The following CPA6 variants were observed in gnomAD, a reference collection of about 807,000 sequenced individuals.
CPA6 encodes the protein carboxypeptidase A6.
Under a neutral mutation model 63.3 loss-of-function variants are expected in CPA6, and 58 were observed. The ratio of observed to expected loss-of-function variants is 0.92; its 90% confidence interval spans 0.74 to 1.14. The LOEUF (loss-of-function observed/expected upper bound fraction) is 1.14. Ranked by LOEUF, CPA6 falls within the 50% of genes most tolerant of loss-of-function variation. The pLI, the probability that CPA6 is intolerant of heterozygous loss-of-function variation, is 0.00. For synonymous variants in CPA6, 185 were observed against 179.0 expected (o/e 1.03, Z -0.27); for missense variants, 565 against 526.6 (o/e 1.07, Z -0.71).
At chr8:67,461,323 A>T (rs1232799902) in intron 8 of CPA6, among the ~76,000 whole-genome samples, 17 of 145,702 alleles carry the variant, frequency 1.2e-4, no homozygotes, top group African/African-American at 4.4e-4. Flanking sequence ...ACCGCCCTTA[A>T]TCCATTTAAC....
At chr8:67,716,766 C>T (rs1162553844) in intron 1 of CPA6, among the ~76,000 whole-genome samples, 1 of 152,194 alleles carries the variant, frequency 6.6e-6, no homozygotes, top group African/African-American at 2.4e-5. Context: ...CTTGACTTTT[C>T]CTTTTGGCTT....
chr8:67,632,109 A>ATT (rs377303586), intron 1 of CPA6, among the ~76,000 whole-genome samples: 61 of 151,560 alleles, frequency 4.0e-4, no homozygotes, highest in African/African-American at 1.4e-3. Context: ...ATAAGGAAGC[A>ATT]TTTTTTTTAA....
rs1019246374 is a variant in CPA6, at chr8:67,681,205, T to C, written c.117-56954A>G. ...CCCAAGGTCACAAAGATTTTCTTTTTTTTTTTTTTTTTTTTGAGACGGAGT... is the reference window on the plus strand; with the variant it reads ...CCCAAGGTCACAAAGATTTTCTTTTCTTTTTTTTTTTTTTTGAGACGGAGT... On this transcript the variant is annotated intron_variant, in intron 1 of 10. Coordinates refer to ENST00000297770, the MANE Select transcript of CPA6 (RefSeq NM_020361.5). Among the ~76,000 whole-genome samples the C allele has an allele frequency of 2.7e-4, 29 of 107,038 alleles. 3 individuals are homozygous for C. Among genetic ancestry groups the C allele is most frequent in the South Asian group, 9.5e-4 (3 of 3,166 alleles). The allele number at this position is 107,038 out of a possible 152,430, so 70.2% of individuals were successfully genotyped here.
At chr8:67,659,807 T>C (rs1374340197) in intron 1 of CPA6, among the ~76,000 whole-genome samples, 1 of 152,206 alleles carries the variant, frequency 6.6e-6, no homozygotes, top group Non-Finnish European at 1.5e-5. Flanking sequence ...TTATCATAAG[T>C]AATAAATAAA....
chr8:67,539,686 T>C (rs1424131469), intron 2 of CPA6, among the ~76,000 whole-genome samples: 1 of 152,212 alleles, frequency 6.6e-6, no homozygotes, highest in Non-Finnish European at 1.5e-5. Context: ...TTGGAGGCTT[T>C]GTTCGTTCTT....
At chr8:67,596,630 C>G (rs1489486908) in intron 2 of CPA6, among the ~76,000 whole-genome samples, 2 of 151,424 alleles carry the variant, frequency 1.3e-5, no homozygotes, top group African/African-American at 4.9e-5. Context: ...AAGGATAGTA[C>G]AATCACAAAA....
intron 1 of CPA6, among the ~76,000 whole-genome samples, chr8:67,737,486 T>C (rs1200193761): frequency 6.6e-6 from 1 of 152,186 alleles, no homozygotes. Context: ...TAAGATGACT[T>C]CTCTGGCCTT....
intron 8 of CPA6, among the ~76,000 whole-genome samples, chr8:67,440,067 A>C (rs1810256165): frequency 6.6e-6 from 1 of 152,188 alleles, no homozygotes; most frequent in Non-Finnish European, 1.5e-5. Flanking sequence ...CATTACTACA[A>C]ACTAAGCCAC....
intron 2 of CPA6, among the ~76,000 whole-genome samples, chr8:67,598,565 G>A (rs912413144): frequency 6.6e-6 from 1 of 152,098 alleles, no homozygotes; most frequent in African/African-American, 2.4e-5. Flanking sequence ...AAAATTTGCT[G>A]ACATATATTT....
At chr8:67,462,521 T>C (rs1225715065) in intron 8 of CPA6, among the ~76,000 whole-genome samples, 4 of 152,266 alleles carry the variant, frequency 2.6e-5, no homozygotes, top group African/African-American at 9.6e-5. Flanking sequence ...AGTAGTAGGA[T>C]ATATTCCTAA....
intron 1 of CPA6, among the ~76,000 whole-genome samples, chr8:67,624,782 T>C (rs997936820): frequency 2.6e-5 from 4 of 152,168 alleles, no homozygotes; most frequent in Admixed American, 6.5e-5. Context: ...CCCACCTGGC[T>C]TGTGGGGCCA....
In CPA6 at chr8:67,433,926, T is replaced by C. The variant is rs147016574; in HGVS notation, c.1041+112A>G. On this transcript the variant is annotated intron_variant, in intron 9 of 10. Coordinates refer to ENST00000297770, the MANE Select transcript of CPA6 (RefSeq NM_020361.5). ...AATGAATTAATACATGTAAAATATT[T>C]ATTAGGATAAACACAAACATGTGTT... 7.2e-4 allele frequency: 533 copies of C among 741,804 alleles called. 3 individuals carry two copies. In the African/African-American group the frequency reaches 8.3e-3, roughly 12 times the overall value. 46.0% of individuals were successfully genotyped at this position (741,804 alleles called of 1,614,324 possible).
chr8:67,703,223 A>G (rs1303523736), intron 1 of CPA6, among the ~76,000 whole-genome samples: 1 of 152,032 alleles, frequency 6.6e-6, no homozygotes, highest in Non-Finnish European at 1.5e-5. Context: ...AGTCCCCAGG[A>G]CAACTTGTCT....
intron 2 of CPA6, among the ~76,000 whole-genome samples, chr8:67,572,396 G>T (rs929244888): frequency 3.3e-5 from 5 of 152,180 alleles, no homozygotes; most frequent in Non-Finnish European, 5.9e-5. Flanking sequence ...CACAAGAATG[G>T]ATTAGTTCCT....
chr8:67,453,078 C>A (rs183629813), intron 8 of CPA6, among the ~76,000 whole-genome samples: 76 of 151,916 alleles, frequency 5.0e-4, no homozygotes, highest in African/African-American at 1.5e-3. Flanking sequence ...TTAAAAGGTT[C>A]ATGGTGGCTG....
intron 8 of CPA6, among the ~76,000 whole-genome samples, chr8:67,445,947 A>G (rs1316300794): frequency 6.6e-6 from 1 of 152,224 alleles, no homozygotes; most frequent in African/African-American, 2.4e-5. Flanking sequence ...AACAAAGGAA[A>G]AAGATAAAAT....
intron 6 of CPA6, among the ~76,000 whole-genome samples, chr8:67,485,193 G>T (rs927321755): frequency 6.6e-6 from 1 of 152,168 alleles, no homozygotes; most frequent in Non-Finnish European, 1.5e-5. Context: ...CAGACCAGCT[G>T]CATGTCACTT....
intron 2 of CPA6, among the ~76,000 whole-genome samples, chr8:67,545,213 T>C (rs972861053): frequency 2.6e-5 from 4 of 152,194 alleles, no homozygotes; most frequent in Non-Finnish European, 5.9e-5. Flanking sequence ...GTTTTCAGAA[T>C]GACAGAAGAA....
chr8:67,678,691 T>C (rs189170864), intron 1 of CPA6, among the ~76,000 whole-genome samples: 6 of 152,344 alleles, frequency 3.9e-5, no homozygotes, highest in African/African-American at 1.4e-4. Flanking sequence ...ACAATCATTT[T>C]AGAAAGCTGT....
Sources: allele counts gnomAD v4.1 joint callset (sites outside exome capture counted in the v4.1 genomes callset), GRCh38; gene constraint gnomAD v4.1.1; transcripts MANE v1.5; gene names NCBI Gene and HGNC (gene_info 2026-07-23, HGNC 2026-07-21).